Variants in ZNF865 observed in about 807,000 individuals in gnomAD.
ZNF865 encodes the protein zinc finger protein 865.
For missense variants in ZNF865, 1,311 were observed against 1,593.4 expected (o/e 0.82, Z 3.02); for synonymous variants, 763 against 750.8 (o/e 1.02, Z -0.27).
At position 55,611,945 on chromosome 19, in the gene ZNF865, G is replaced by A. The variant is rs149670935; in HGVS notation, c.-26-1648G>A. ...TACCTGCCATCTGGAATGAAAAGTC[G>A]TGTAAAGGAGGTGCCAGAGAATGAT... On this transcript the variant is annotated intron_variant, in intron 1 of 1. Coordinates refer to ENST00000568956, the MANE Select transcript of ZNF865 (RefSeq NM_001195605.2). The surrounding 1 kb of genome is among the most constrained non-coding windows in gnomAD (Gnocchi z 4.5). Among the ~76,000 whole-genome samples, 13 of 152,260 alleles carry A rather than the reference G, an allele frequency of 8.5e-5. No individual in the cohort carries two copies. The East Asian group carries it at 1.4e-3, about 16-fold the overall frequency.
At position 55,614,017 on chromosome 19, in the gene ZNF865, C is replaced by T. The variant is rs777341109; in HGVS notation, c.399C>T (p.Pro133=). 6.7e-6 allele frequency: 10 copies of T among 1,502,628 alleles called. No individual in the cohort carries two copies. The highest frequency in any genetic ancestry group is 1.7e-4 in the Middle Eastern group (1 of 5,802). The allele number at this position is 1,502,628 out of a possible 1,614,324, so 93.1% of individuals were successfully genotyped here. Residue 133 remains proline, a synonymous_variant, in exon 2 of 2, where the codon CCC becomes CCT. Transcript: ENST00000568956. The surrounding 1 kb of genome is among the most constrained non-coding windows in gnomAD (Gnocchi z 8.0). ...CCCTGCCGCCCGCCTTCGGGGCGCC[C>T]CCTCCTCCCCTCTTTGACGCTGCTT... The part of the protein sequence containing the change: ...DPPLPPAFGA[P]PPPLFDAAFP...
rs893827986 is a variant in ZNF865 at position 55,615,009 on chromosome 19, C to T, written c.1391C>T (p.Ala464Val). Reference protein sequence around the residue: ...QSLLRHKAAHAPPAAAAEAPK... With the variant: ...QSLLRHKAAHVPPAAAAEAPK... ...CTGCTCCGCCACAAGGCCGCCCACG[C>T]CCCGCCCGCTGCCGCTGCGGAGGCG... Residue 464 changes from alanine to valine, a missense_variant, in exon 2 of 2, where the codon GCC becomes GTC. Transcript: ENST00000568956. 4 of 1,363,330 alleles carry T rather than the reference C, an allele frequency of 2.9e-6. No homozygotes were observed. The highest frequency in any genetic ancestry group is 3.8e-6 in the Non-Finnish European group (4 of 1,064,058). The allele number at this position is 1,363,330 out of a possible 1,614,324, so 84.5% of individuals were successfully genotyped here.
intron 1 of ZNF865, 100 bp from the exon 2 acceptor site, chr19:55,613,493 T>G: frequency 9.0e-7 from 1 of 1,109,100 alleles, no homozygotes; most frequent in Non-Finnish European, 1.2e-6. Context: ...GGCTAGGGGG[T>G]GATCCGCACA....
chr19:55,615,198 C>A lies in ZNF865; in HGVS notation c.1580C>A (p.Pro527Gln). 2 of 1,419,490 alleles carry A rather than the reference C, an allele frequency of 1.4e-6. No individual in the cohort carries two copies. The highest frequency in any genetic ancestry group is 3.2e-5 in the Admixed American group (1 of 31,098). 87.9% of individuals were successfully genotyped at this position (1,419,490 alleles called of 1,614,324 possible). A position where few individuals can be genotyped will look rare whatever the true frequency, so the allele number is the denominator to read the frequency against. The stretch of plus-strand genomic sequence containing the variant: ...CCCGTCCCGCTCCTGGGCGCCCACC[C>A]GCTGCTGCTCGGCGGCGCGGGGACC... ...AVPVPLLGAH[P>Q]LLLGGAGTSG... The change falls in exon 2 of 2, where the codon CCG (proline) becomes CAG (glutamine). Residue 527 changes from proline (P) to glutamine (Q), a missense_variant. Transcript: ENST00000568956.
intron 1 of ZNF865, among the ~76,000 whole-genome samples, chr19:55,610,954 TAG>T (rs1981111880): frequency 6.6e-6 from 1 of 152,156 alleles, no homozygotes; most frequent in South Asian, 2.1e-4. Flanking sequence ...GCCCCTTGTA[TAG>T]ACACCCCTCA....
chr19:55,610,247 G>GT (rs1234349760), intron 1 of ZNF865, among the ~76,000 whole-genome samples: 2 of 152,252 alleles, frequency 1.3e-5, no homozygotes, highest in South Asian at 4.2e-4. Flanking sequence ...TTGCTAAGCA[G>GT]TTTTTTTGCT....
chr19:55,616,435 G>C lies in ZNF865; in HGVS notation c.2817G>C (p.Lys939Asn). The change falls in exon 2 of 2, where the codon AAG (lysine) becomes AAC (asparagine). Residue 939 changes from lysine (K) to asparagine (N), a missense_variant. Transcript: ENST00000568956. ...ARPQRCSACG[K>N]TFRYRSNLLE... is the part of the protein sequence containing the mutation. ...CCCAGCGCTGCAGCGCCTGTGGCAA[G>C]ACCTTCCGCTACCGCTCCAACCTGC... 3 of 1,521,996 alleles carry C rather than the reference G, an allele frequency of 2.0e-6. No homozygotes were observed. Among genetic ancestry groups the C allele is most frequent in the Non-Finnish European group, 2.6e-6 (3 of 1,140,082 alleles). 94.3% of individuals were successfully genotyped at this position (1,521,996 alleles called of 1,614,324 possible). A position where few individuals can be genotyped will look rare whatever the true frequency, so the allele number is the denominator to read the frequency against.
intron 1 of ZNF865, among the ~76,000 whole-genome samples, chr19:55,607,870 A>T (rs1355970306): frequency 6.6e-6 from 1 of 152,136 alleles, no homozygotes; most frequent in Non-Finnish European, 1.5e-5. Flanking sequence ...CTCCTTTCCT[A>T]GCCTCATTCA....
In ZNF865 at chr19:55,615,636, A is replaced by G. The variant is rs1458417268; in HGVS notation, c.2018A>G (p.Asp673Gly). 1 of 1,534,458 alleles carries G rather than the reference A, an allele frequency of 6.5e-7. No individual in the cohort carries two copies. Among genetic ancestry groups the G allele is most frequent in the Non-Finnish European group, 8.7e-7 (1 of 1,146,202 alleles). The stretch of plus-strand genomic sequence containing the variant: ...GATGGGCTGAGCTACGCCTGCTCGG[A>G]CTGCGGCGAGCACTTCCCGGATCTC... ...PTDGLSYACS[D>G]CGEHFPDLFH... The change falls in exon 2 of 2, where the codon GAC (aspartate) becomes GGC (glycine). Residue 673 changes from aspartate (D) to glycine (G), a missense_variant. By Grantham distance (94) the Asp-to-Gly change is moderately conservative. Transcript: ENST00000568956.
At position 55,615,901 on chromosome 19, in the gene ZNF865, G is replaced by A; in HGVS notation, c.2283G>A (p.Val761=). The change falls in exon 2 of 2, where the codon GTG becomes GTA. Residue 761 remains valine, a synonymous_variant. Transcript: ENST00000568956. Reference sequence around the variant, plus strand: ...TGGCGGGGGAGGTGGGGGCGGCCGTGGCGGCACTGGCAGGGGTGTCTGGGG... The same window carrying A: ...TGGCGGGGGAGGTGGGGGCGGCCGTAGCGGCACTGGCAGGGGTGTCTGGGG... ...NGLAGEVGAA[V]AALAGVSGGE... The A allele has an allele frequency of 2.7e-6, 4 of 1,475,664 alleles. No homozygotes were observed. Among genetic ancestry groups the A allele is most frequent in the Non-Finnish European group, 3.6e-6 (4 of 1,121,256 alleles). 91.4% of individuals were successfully genotyped at this position (1,475,664 alleles called of 1,614,324 possible).
rs1981374598 is a variant in ZNF865, at chr19:55,616,736, A to C, written c.3118A>C (p.Lys1040Gln). The stretch of plus-strand genomic sequence containing the variant: ...CCTCAAGAAACACCGCCTGGCGCAC[A>C]AGGCCGAGAACCTCGGGGGGCCTGG... ...YGLKKHRLAHKAENLGGPGAG... is the reference protein window; with the variant it reads ...YGLKKHRLAHQAENLGGPGAG... Residue 1040 changes from lysine (K) to glutamine (Q), a missense_variant, in exon 2 of 2, where the codon AAG becomes CAG. Lys to Gln is a moderately conservative substitution (Grantham distance 53). Transcript: ENST00000568956. The C allele has an allele frequency of 1.3e-6, 2 of 1,501,248 alleles. No homozygotes were observed. The allele number at this position is 1,501,248 out of a possible 1,614,324, so 93.0% of individuals were successfully genotyped here.
rs1243239587 is a variant in ZNF865 at position 55,615,236 on chromosome 19, G to A, written c.1618G>A (p.Gly540Ser). Reference sequence around the variant, plus strand: ...CGGCGCGGGGACCAGCGGGGCGGGAGGCTCGGGCGCCAGCGTCCCAGGAAA... The same window carrying A: ...CGGCGCGGGGACCAGCGGGGCGGGAAGCTCGGGCGCCAGCGTCCCAGGAAA... ...LGGAGTSGAG[G>S]SGASVPGKTF... The change falls in exon 2 of 2, where the codon GGC becomes AGC. Residue 540 changes from glycine to serine, a missense_variant. Coordinates refer to ENST00000568956, the MANE Select transcript of ZNF865 (RefSeq NM_001195605.2). 4 of 1,509,116 alleles carry A rather than the reference G, an allele frequency of 2.7e-6. No homozygotes were observed. Among genetic ancestry groups the A allele is most frequent in the Middle Eastern group, 1.8e-4 (1 of 5,666 alleles). The allele number at this position is 1,509,116 out of a possible 1,614,324, so 93.5% of individuals were successfully genotyped here. A position where few individuals can be genotyped will look rare whatever the true frequency, so the allele number is the denominator to read the frequency against.
chr19:55,611,519 G>A lies in ZNF865; in HGVS notation c.-26-2074G>A, dbSNP rs1430616689. Among the ~76,000 whole-genome samples, 1 of 152,208 alleles carries A rather than the reference G, an allele frequency of 6.6e-6. No homozygotes were observed. The highest frequency in any genetic ancestry group is 2.4e-5 in the African/African-American group (1 of 41,438). The stretch of plus-strand genomic sequence containing the variant: ...CTCTTTCCGGAGATCAGATTAAACG[G>A]AGGGGGTGTGAAGGGCATGGGATGT... On this transcript the variant is annotated intron_variant, in intron 1 of 1. Transcript: ENST00000568956. This position sits in a 1 kb window ranked among gnomAD's most constrained non-coding sequence, Gnocchi z 4.5.
At position 55,616,909 on chromosome 19, in the gene ZNF865, C is replaced by T. The variant is rs1390773736; in HGVS notation, c.*111C>T. The T allele has an allele frequency of 1.1e-5, 14 of 1,231,480 alleles. No homozygotes were observed. The highest frequency in any genetic ancestry group is 3.5e-5 in the Admixed American group (1 of 28,888). 76.3% of individuals were successfully genotyped at this position (1,231,480 alleles called of 1,614,324 possible). A position where few individuals can be genotyped will look rare whatever the true frequency, so the allele number is the denominator to read the frequency against. On this transcript the variant is annotated 3_prime_UTR_variant, in exon 2 of 2. Transcript: ENST00000568956. The stretch of plus-strand genomic sequence containing the variant: ...GCTGTTGCCCCATCCTTCAGAACTT[C>T]ACACGGACTGGCGACCTTCAGGGCG...
chr19:55,612,016 T>TG (rs1257205769), intron 1 of ZNF865, among the ~76,000 whole-genome samples: 3 of 151,356 alleles, frequency 2.0e-5, no homozygotes, highest in East Asian at 1.9e-4. Flanking sequence ...GGCAAGGACA[T>TG]GGGGGGGTCA....
intron 1 of ZNF865, among the ~76,000 whole-genome samples, chr19:55,610,258 T>G (rs1223402560): frequency 6.6e-6 from 1 of 152,194 alleles, no homozygotes; most frequent in Non-Finnish European, 1.5e-5. Flanking sequence ...TTTTTTTGCT[T>G]TTTGTTTGTT....
In ZNF865 at chr19:55,616,261, C is replaced by T. The variant is rs1298383103; in HGVS notation, c.2643C>T (p.Cys881=). The change falls in exon 2 of 2, where the codon TGC becomes TGT. Residue 881 remains cysteine (C), a synonymous_variant. Transcript: ENST00000568956. Reference sequence around the variant, plus strand: ...AGCGGCCGTACCGATGTGGCGTGTGCGGCCGAGGCTTCCTGCGCTCCTGGT... The same window carrying T: ...AGCGGCCGTACCGATGTGGCGTGTGTGGCCGAGGCTTCCTGCGCTCCTGGT... The part of the protein sequence containing the change: ...TEQRPYRCGV[C]GRGFLRSWYL... The T allele has an allele frequency of 3.9e-6, 6 of 1,521,168 alleles. No homozygotes were observed. The highest frequency in any genetic ancestry group is 5.3e-6 in the Non-Finnish European group (6 of 1,138,748). 94.2% of individuals were successfully genotyped at this position (1,521,168 alleles called of 1,614,324 possible). A position where few individuals can be genotyped will look rare whatever the true frequency, so the allele number is the denominator to read the frequency against.
In ZNF865 at chr19:55,615,461, T is replaced by C; in HGVS notation, c.1843T>C (p.Phe615Leu). The C allele has an allele frequency of 6.6e-7, 1 of 1,509,402 alleles. No individual in the cohort carries two copies. Among genetic ancestry groups the C allele is most frequent in the Non-Finnish European group, 8.8e-7 (1 of 1,133,226 alleles). 93.5% of individuals were successfully genotyped at this position (1,509,402 alleles called of 1,614,324 possible). The stretch of plus-strand genomic sequence containing the variant: ...CAAGTGCGAGCTCTGCGGCAAGGTC[T>C]TCGGCTACCCGCAGAGCCTCACCCG... Reference protein sequence around the residue: ...PYKCELCGKVFGYPQSLTRHR... With the variant: ...PYKCELCGKVLGYPQSLTRHR... Residue 615 changes from phenylalanine to leucine, a missense_variant, in exon 2 of 2, where the codon TTC (phenylalanine) becomes CTC (leucine). Coordinates refer to ENST00000568956, the MANE Select transcript of ZNF865 (RefSeq NM_001195605.2).
Position 55,616,725 on chromosome 19 carries a change from G to T in ZNF865, c.3107G>T (p.Arg1036Leu). ...AACACCTACGGCCTCAAGAAACACC[G>T]CCTGGCGCACAAGGCCGAGAACCTC... ...FANTYGLKKH[R>L]LAHKAENLGG... is the part of the protein sequence containing the mutation. Residue 1036 changes from arginine (R) to leucine (L), a missense_variant, in exon 2 of 2, where the codon CGC becomes CTC. Coordinates refer to ENST00000568956, the MANE Select transcript of ZNF865 (RefSeq NM_001195605.2). 6.6e-7 allele frequency: 1 copy of T among 1,514,154 alleles called. No homozygotes were observed. The highest frequency in any genetic ancestry group is 8.8e-7 in the Non-Finnish European group (1 of 1,136,566). 93.8% of individuals were successfully genotyped at this position (1,514,154 alleles called of 1,614,324 possible).
Sources: gnomAD v4.1 joint callset for allele counts (sites outside exome capture counted in the v4.1 genomes callset) on GRCh38, gnomAD v4.1.1 for gene constraint, Gnocchi (gnomAD v3.1) non-coding constraint, MANE v1.5 for transcripts, NCBI Gene and HGNC (gene_info 2026-07-23, HGNC 2026-07-21) for gene names.